FOXP2: variants seen among roughly 807,000 people sequenced by gnomAD.
FOXP2 encodes the protein forkhead box P2.
A neutral mutation model predicts 115.8 loss-of-function variants in FOXP2; 12 were observed. That is an observed-to-expected ratio of 0.10 (90% CI 0.07 to 0.17). The LOEUF (loss-of-function observed/expected upper bound fraction) is 0.17, where lower values mean the gene tolerates loss of function less well. FOXP2 is among the 10% of genes least tolerant of loss of function. The pLI is 1.00. For missense variants in FOXP2, 629 were observed against 843.5 expected, an observed-to-expected ratio of 0.75 and a Z score of 3.15; for synonymous variants, 328 against 297.7, an observed-to-expected ratio of 1.10 and a Z score of -1.05.
chr7:114,556,546 A>T (rs1478012056), intron 3 of FOXP2, among the ~76,000 whole-genome samples: 1 of 152,226 alleles, frequency 6.6e-6, no homozygotes, highest in Non-Finnish European at 1.5e-5. Flanking sequence ...ATAATATGAT[A>T]GTGTTTTTCT....
At chr7:114,184,254 C>T (rs940122858) in intron 1 of FOXP2, among the ~76,000 whole-genome samples, 2 of 152,046 alleles carry the variant, frequency 1.3e-5, no homozygotes, top group African/African-American at 4.8e-5. Context: ...CAGCAACCTC[C>T]TAAGGCATTT....
intron 5 of FOXP2, 103 bp from the exon 6 acceptor site, chr7:114,631,425 A>G: frequency 6.5e-7 from 1 of 1,536,186 alleles, no homozygotes; most frequent in Non-Finnish European, 8.8e-7. Flanking sequence ...GATGACCAAA[A>G]AACCCACTCA....
intron 2 of FOXP2, among the ~76,000 whole-genome samples, chr7:114,521,615 T>C (rs541699009): frequency 6.6e-6 from 1 of 151,164 alleles, no homozygotes; most frequent in African/African-American, 2.4e-5. Context: ...CCTAAAATAA[T>C]TGAAGGATTC....
intron 2 of FOXP2, among the ~76,000 whole-genome samples, chr7:114,363,982 T>G (rs1303510331): frequency 6.6e-6 from 1 of 152,148 alleles, no homozygotes; most frequent in Non-Finnish European, 1.5e-5. Flanking sequence ...AAGTCCTTCT[T>G]TTTAAGAGGA....
intron 1 of FOXP2, among the ~76,000 whole-genome samples, chr7:114,131,476 A>T (rs976969008): frequency 1.1e-4 from 16 of 152,102 alleles, no homozygotes; most frequent in African/African-American, 3.4e-4. Context: ...TACCGGGACA[A>T]TGTTAGTGAT....
At chr7:114,664,476 T>C (rs1807057033) in intron 16 of FOXP2, 40 bp downstream of exon 16, 8 of 1,609,040 alleles carry the variant, frequency 5.0e-6, no homozygotes, top group Non-Finnish European at 6.8e-6. Context: ...GAAGAATCTA[T>C]ATTAATATGC....
intron 16 of FOXP2, among the ~76,000 whole-genome samples, chr7:114,680,407 T>C (rs563549663): frequency 6.4e-4 from 97 of 152,210 alleles, no homozygotes; most frequent in Non-Finnish European, 1.1e-3. Context: ...AAAGTTGATG[T>C]TACTTCAGTG....
intron 2 of FOXP2, among the ~76,000 whole-genome samples, chr7:114,293,227 A>C (rs1796653088): frequency 1.3e-5 from 2 of 152,154 alleles, no homozygotes; most frequent in Non-Finnish European, 2.9e-5. Flanking sequence ...TAGGTTATGC[A>C]TGATATTAAG....
intron 1 of FOXP2, among the ~76,000 whole-genome samples, chr7:114,203,094 C>G (rs1005641175): frequency 6.6e-6 from 1 of 152,236 alleles, no homozygotes; most frequent in Non-Finnish European, 1.5e-5. Context: ...CATCCAGATC[C>G]TCTTTCCTCT....
intron 1 of FOXP2, among the ~76,000 whole-genome samples, chr7:114,200,195 C>A (rs1794023470): frequency 6.6e-6 from 1 of 152,132 alleles, no homozygotes; most frequent in African/African-American, 2.4e-5. Context: ...TCTTTAATGA[C>A]AAGCTAATTG....
At chr7:114,432,663 A>G (rs1268569865) in intron 2 of FOXP2, among the ~76,000 whole-genome samples, 1 of 151,956 alleles carries the variant, frequency 6.6e-6, no homozygotes, top group Non-Finnish European at 1.5e-5. Flanking sequence ...TATCAAGTTT[A>G]ACTATTAGGT....
At chr7:114,397,810 G>T (rs1051299029) in intron 2 of FOXP2, among the ~76,000 whole-genome samples, 1 of 152,086 alleles carries the variant, frequency 6.6e-6, no homozygotes, top group African/African-American at 2.4e-5. Flanking sequence ...AGCATAGCAG[G>T]GCTAACAATT....
intron 2 of FOXP2, among the ~76,000 whole-genome samples, chr7:114,439,354 C>T (rs1794497358): frequency 6.6e-6 from 1 of 152,068 alleles, no homozygotes; most frequent in African/African-American, 2.4e-5. Context: ...CGGTTTGTAT[C>T]TGTAGAGCAG....
At chr7:114,183,299 T>C (rs1320229994) in intron 1 of FOXP2, among the ~76,000 whole-genome samples, 1 of 152,182 alleles carries the variant, frequency 6.6e-6, no homozygotes, top group Non-Finnish European at 1.5e-5. Context: ...AATTTGGTGT[T>C]AGATTAAGGT....
intron 1 of FOXP2, among the ~76,000 whole-genome samples, chr7:114,130,018 CTT>C (rs1381279685): frequency 6.6e-6 from 1 of 152,016 alleles, no homozygotes; most frequent in Non-Finnish European, 1.5e-5. Context: ...ATTGTTTAAA[CTT>C]TTAAAAAGTC....
At chr7:114,383,610 G>A (rs1402484154) in intron 2 of FOXP2, among the ~76,000 whole-genome samples, 1 of 152,126 alleles carries the variant, frequency 6.6e-6, no homozygotes, top group Non-Finnish European at 1.5e-5. Context: ...CTGTAAGATG[G>A]TGTTATAATT....
At chr7:114,294,884 A>T (rs943084658) in intron 2 of FOXP2, among the ~76,000 whole-genome samples, 1 of 151,874 alleles carries the variant, frequency 6.6e-6, no homozygotes, top group African/African-American at 2.4e-5. Context: ...ACATACATAC[A>T]TACATACATA....
chr7:114,486,644 G>A (rs968739873), intron 2 of FOXP2, among the ~76,000 whole-genome samples: 5 of 152,162 alleles, frequency 3.3e-5, no homozygotes, highest in African/African-American at 1.2e-4. Flanking sequence ...TCAAAAGCAA[G>A]TCAGTTACTT....
At chr7:114,234,321 T>G (rs1242239321) in intron 1 of FOXP2, among the ~76,000 whole-genome samples, 1 of 152,174 alleles carries the variant, frequency 6.6e-6, no homozygotes, top group East Asian at 1.9e-4. Context: ...GGAGACAGTG[T>G]TAGGTTTATC....
Sources: gnomAD v4.1 joint callset for allele counts (sites outside exome capture counted in the v4.1 genomes callset) on GRCh38, gnomAD v4.1.1 for gene constraint, MANE v1.5 for transcripts, NCBI Gene and HGNC (gene_info 2026-07-23, HGNC 2026-07-21) for gene names.